Variants in ZNF398 observed in about 807,000 individuals in gnomAD.
ZNF398 encodes the protein zinc finger protein 398, also known as zinc finger DNA binding protein ZER6.
Under a neutral mutation model 41.9 loss-of-function variants are expected in ZNF398, and 18 were observed. That is an observed-to-expected ratio of 0.43 (90% CI 0.30 to 0.64). ZNF398 has a LOEUF of 0.64. ZNF398 is among the 30% of genes least tolerant of loss of function. ZNF398 has a pLI of 0.14. For synonymous variants in ZNF398, 260 were observed against 308.8 expected (o/e 0.84, Z 1.66); for missense variants, 669 against 822.8 (o/e 0.81, Z 2.29).
chr7:149,155,723 T>TTA (rs1563159552), intron 2 of ZNF398, among the ~76,000 whole-genome samples: 2 of 43,218 alleles, frequency 4.6e-5, no homozygotes, highest in African/African-American at 1.1e-4. Context: ...TTTTTTTTTT[T>TTA]TTTTTTAATT....
chr7:149,133,678 T>TATATACACACACAC (rs1483673161), intron 2 of ZNF398, among the ~76,000 whole-genome samples: 1 of 67,024 alleles, frequency 1.5e-5, no homozygotes, highest in African/African-American at 6.1e-5. Flanking sequence ...TATATATATA[T>TATATACACACACAC]ACATATATAT....
At chr7:149,171,315 CA>C (rs1006288833) in intron 4 of ZNF398, among the ~76,000 whole-genome samples, 2 of 151,880 alleles carry the variant, frequency 1.3e-5, no homozygotes, top group Non-Finnish European at 2.9e-5. Flanking sequence ...TACATATATA[CA>C]AAAATATTTT....
At chr7:149,135,641 T>C (rs992173895) in intron 2 of ZNF398, among the ~76,000 whole-genome samples, 18 of 130,382 alleles carry the variant, frequency 1.4e-4, no homozygotes, top group African/African-American at 4.5e-4. Flanking sequence ...ACACTACCTG[T>C]TCCCCAAAAA....
At chr7:149,176,215 C>A (rs931913110) in intron 4 of ZNF398, among the ~76,000 whole-genome samples, 1 of 151,912 alleles carries the variant, frequency 6.6e-6, no homozygotes, top group Non-Finnish European at 1.5e-5. Flanking sequence ...TGGTGGCAGG[C>A]GCCTGTAGTC....
intron 4 of ZNF398, among the ~76,000 whole-genome samples, chr7:149,172,892 G>A (rs915450682): frequency 1.3e-5 from 2 of 152,122 alleles, no homozygotes; most frequent in African/African-American, 2.4e-5. Context: ...ATGCTATACA[G>A]TCTATTAAGT....
At chr7:149,147,290 G>C (rs2129519931), upstream of ZNF398, 1 of 152,420 alleles carries the variant, frequency 6.6e-6, no homozygotes, top group East Asian at 1.9e-4. This position sits in a 1 kb window ranked among gnomAD's most constrained non-coding sequence, Gnocchi z 5.6. Flanking sequence ...AACACACGTG[G>C]GCCCCAAATA....
intron 5 of ZNF398, among the ~76,000 whole-genome samples, chr7:149,178,275 G>C (rs1795508593): frequency 2.0e-5 from 3 of 150,454 alleles, no homozygotes; most frequent in African/African-American, 7.4e-5. Flanking sequence ...CTGGGCGACA[G>C]AGCGAGACTC....
At chr7:149,164,264 G>C (rs941523962) in intron 2 of ZNF398, among the ~76,000 whole-genome samples, 1 of 147,822 alleles carries the variant, frequency 6.8e-6, no homozygotes, top group African/African-American at 2.5e-5. Flanking sequence ...AAAATTAGCC[G>C]GGCGTGGTGG....
chr7:149,133,680 CATATATATGTGTGTATATATATAT>C (rs1563152734), intron 2 of ZNF398, among the ~76,000 whole-genome samples: 1,381 of 36,462 alleles, frequency 0.038, 47 homozygotes, highest in African/African-American at 0.11. Context: ...TATATATATA[CATATATATGTGTGTATATATATAT>C]ACACACATAT....
rs754617821 is a variant in ZNF398 at position 149,166,174 on chromosome 7, A to G, written c.437A>G (p.Asp146Gly). Residue 146 changes from aspartate (D) to glycine (G), a missense_variant, in exon 3 of 6, where the codon GAT (aspartate) becomes GGT (glycine). This residue lies in a region of ZNF398 where 169 missense variants were observed against 239.5 expected (regional missense o/e 0.71). Coordinates refer to ENST00000475153, the MANE Select transcript of ZNF398 (RefSeq NM_170686.3). ...TAATTTTAGGTGCCTGTGGCATTTG[A>G]TGATGTCTCCATCTACTTTTCCACT... ...GDIPKVPVAF[D>G]DVSIYFSTPE... 1 of 1,614,012 alleles carries G rather than the reference A, an allele frequency of 6.2e-7. No individual in the cohort carries two copies. Among genetic ancestry groups the G allele is most frequent in the Non-Finnish European group, 8.5e-7 (1 of 1,179,970 alleles).
intron 4 of ZNF398, among the ~76,000 whole-genome samples, chr7:149,175,194 GGTAAA>G (rs1001095468): frequency 6.6e-6 from 1 of 152,038 alleles, no homozygotes; most frequent in African/African-American, 2.4e-5. Context: ...GAAGACATTG[GGTAAA>G]GTAGTCAGTT....
At chr7:149,126,426 G>T in exon 1 of ZNF398, 1 of 890,936 alleles carries the variant, frequency 1.1e-6, no homozygotes, top group East Asian at 3.1e-5. Flanking sequence ...TCGGTCCTCA[G>T]AGGAGGGGCC....
chr7:149,143,047 G>C (rs569859512), upstream of ZNF398, among the ~76,000 whole-genome samples: 4 of 152,118 alleles, frequency 2.6e-5, no homozygotes, highest in East Asian at 7.7e-4. Context: ...CAACCTCCCA[G>C]GCTCAGGTGA....
Position 149,182,842 on chromosome 7 carries a change from T to A in ZNF398, c.*3041T>A, listed in dbSNP as rs1309642417. 1 of 152,164 alleles carries A rather than the reference T, an allele frequency of 6.6e-6. No individual in the cohort carries two copies. The highest frequency in any genetic ancestry group is 1.5e-5 in the Non-Finnish European group (1 of 68,034). 9.4% of individuals were successfully genotyped at this position (152,164 alleles called of 1,614,324 possible). On this transcript the variant is annotated 3_prime_UTR_variant, in exon 6 of 6. Coordinates refer to ENST00000475153, the MANE Select transcript of ZNF398 (RefSeq NM_170686.3). ...TCCTTTTCTGCTGAACATTTAGTAT[T>A]GGAAACTCCTACTTCCCTTTTCATT...
intron 2 of ZNF398, among the ~76,000 whole-genome samples, chr7:149,163,154 C>G (rs997489784): frequency 2.0e-5 from 3 of 151,940 alleles, no homozygotes; most frequent in African/African-American, 7.3e-5. Flanking sequence ...GTTAAATGCT[C>G]GGAAAAAGAG....
intron 2 of ZNF398, among the ~76,000 whole-genome samples, chr7:149,161,331 A>C (rs915339989): frequency 6.6e-6 from 1 of 152,098 alleles, no homozygotes; most frequent in Non-Finnish European, 1.5e-5. Context: ...AGGTTGGAGG[A>C]TTGCTTGAGG....
chr7:149,155,707 A>ATTTTTTTTTTTTTTTT (rs1359986695), intron 2 of ZNF398, among the ~76,000 whole-genome samples: 3 of 73,576 alleles, frequency 4.1e-5, no homozygotes, highest in African/African-American at 1.4e-4. Flanking sequence ...ATATATATAT[A>ATTTTTTTTTTTTTTTT]TTTTTTTTTT....
chr7:149,134,647 T>G (rs1177736482), intron 2 of ZNF398, among the ~76,000 whole-genome samples: 1 of 152,222 alleles, frequency 6.6e-6, no homozygotes, highest in Non-Finnish European at 1.5e-5. Flanking sequence ...AGATAATAGG[T>G]AAAAGAGTAA....
At chr7:149,173,064 T>C (rs926349337) in intron 4 of ZNF398, among the ~76,000 whole-genome samples, 3 of 150,970 alleles carry the variant, frequency 2.0e-5, no homozygotes, top group African/African-American at 7.3e-5. Context: ...TGGTGGTTGC[T>C]AAAGGTTGGG....
Sources: allele counts gnomAD v4.1 joint callset (sites outside exome capture counted in the v4.1 genomes callset), GRCh38; gene constraint gnomAD v4.1.1; regional missense constraint gnomAD v4.1.1; non-coding constraint Gnocchi (gnomAD v3.1); transcripts MANE v1.5; gene names NCBI Gene and HGNC (gene_info 2026-07-23, HGNC 2026-07-21).